The following TRAM2 variants were observed in gnomAD, a reference collection of about 807,000 sequenced individuals.
TRAM2 encodes the protein translocating chain-associated membrane protein 2.
A neutral mutation model predicts 51.0 loss-of-function variants in TRAM2; 12 were observed. That is an observed-to-expected ratio of 0.24 (90% CI 0.15 to 0.38). TRAM2 has a LOEUF of 0.38. Among genes scored for constraint, TRAM2 ranks in the 10% least tolerant of loss-of-function variants. The pLI, the probability that TRAM2 is intolerant of heterozygous loss-of-function variation, is 1.00. For synonymous variants in TRAM2, 175 were observed against 179.4 expected (o/e 0.98, Z 0.20); for missense variants, 361 against 462.0 (o/e 0.78, Z 2.00).
chr6:52,498,698 A>C lies in TRAM2; in HGVS notation c.*4499T>G, dbSNP rs765454326. On this transcript the variant is annotated 3_prime_UTR_variant, in exon 11 of 11. Transcript: ENST00000182527. Reference sequence around the variant, plus strand: ...AAGGGAGAAACCAAAAACAAAACAGAACACACCACAGACCCTAATCCTGGG... The same window carrying C: ...AAGGGAGAAACCAAAAACAAAACAGCACACACCACAGACCCTAATCCTGGG... The C allele has an allele frequency of 2.6e-5, 4 of 152,596 alleles. No individual in the cohort carries two copies. The highest frequency in any genetic ancestry group is 5.9e-5 in the Non-Finnish European group (4 of 68,222). 9.5% of individuals were successfully genotyped at this position (152,596 alleles called of 1,614,324 possible).
At chr6:52,571,939 A>C (rs1163075062) in intron 1 of TRAM2, among the ~76,000 whole-genome samples, 1 of 152,214 alleles carries the variant, frequency 6.6e-6, no homozygotes, top group Non-Finnish European at 1.5e-5. Flanking sequence ...ATTAGCCTTC[A>C]CTGGGTAGTT....
intron 1 of TRAM2, among the ~76,000 whole-genome samples, chr6:52,541,062 C>T (rs1457923232): frequency 6.6e-6 from 1 of 152,202 alleles, no homozygotes; most frequent in Non-Finnish European, 1.5e-5. Flanking sequence ...ATTAGGGGCA[C>T]ATGAACCTGA....
intron 1 of TRAM2, among the ~76,000 whole-genome samples, chr6:52,570,852 G>A (rs1581705152): frequency 7.1e-6 from 1 of 141,198 alleles, no homozygotes; most frequent in Admixed American, 7.7e-5. Flanking sequence ...GAAAAGCAAG[G>A]ACTTTTTGCA....
At chr6:52,516,273 C>T (rs1006190284) in intron 3 of TRAM2, 151 bp from the exon 4 acceptor site, 20 of 704,754 alleles carry the variant, frequency 2.8e-5, no homozygotes, top group East Asian at 7.6e-5. Context: ...AAGCCTACTG[C>T]GTGCATACAG....
intron 1 of TRAM2, among the ~76,000 whole-genome samples, chr6:52,564,524 C>T (rs1581702401): frequency 6.6e-6 from 1 of 152,120 alleles, no homozygotes; most frequent in Non-Finnish European, 1.5e-5. Flanking sequence ...ATCTGCCTGC[C>T]CCATGCCCCT....
intron 1 of TRAM2, among the ~76,000 whole-genome samples, chr6:52,569,004 T>C (rs1767633263): frequency 6.6e-6 from 1 of 152,186 alleles, no homozygotes; most frequent in Admixed American, 6.5e-5. Flanking sequence ...TTGGGTTTGA[T>C]GTTTAAAGTC....
chr6:52,520,183 G>C (rs766937057), intron 2 of TRAM2, among the ~76,000 whole-genome samples: 2 of 152,248 alleles, frequency 1.3e-5, no homozygotes, highest in African/African-American at 2.4e-5. Flanking sequence ...ACAGCCAGCT[G>C]TGTCAATGCT....
At chr6:52,561,313 C>T (rs974655195) in intron 1 of TRAM2, among the ~76,000 whole-genome samples, 3 of 152,160 alleles carry the variant, frequency 2.0e-5, no homozygotes, top group East Asian at 1.9e-4. Flanking sequence ...GACGGAGCCT[C>T]GCTCTGTCAC....
intron 1 of TRAM2, among the ~76,000 whole-genome samples, chr6:52,548,674 G>A (rs111753891): frequency 0.01 from 1,587 of 152,322 alleles, 18 homozygotes; most frequent in Non-Finnish European, 0.018. Flanking sequence ...CCATCTGACC[G>A]TGACATCTGG....
chr6:52,547,478 A>G (rs969807163), intron 1 of TRAM2, among the ~76,000 whole-genome samples: 1 of 152,238 alleles, frequency 6.6e-6, no homozygotes, highest in African/African-American at 2.4e-5. Flanking sequence ...TAAACACCCC[A>G]TGAATTAATG....
Position 52,501,190 on chromosome 6 carries a change from G to A in TRAM2, c.*2007C>T, listed in dbSNP as rs6900141. The A allele has an allele frequency of 0.88, 133,402 of 152,196 alleles. 58,490 individuals are homozygous for A. The highest frequency in any genetic ancestry group is 0.96 in the East Asian group (4,967 of 5,164). The allele number at this position is 152,196 out of a possible 1,614,324, so 9.4% of individuals were successfully genotyped here. A position where few individuals can be genotyped will look rare whatever the true frequency, so the allele number is the denominator to read the frequency against. On this transcript the variant is annotated 3_prime_UTR_variant, in exon 11 of 11. Transcript: ENST00000182527. ...TCAGGGAAGGAGAGGGAGAAATGGG[G>A]GAAATACATATTTTCAAAAACACTG...
At chr6:52,508,376 C>T (rs1159882602) in intron 5 of TRAM2, 58 bp from the exon 6 acceptor site, 21 of 1,526,574 alleles carry the variant, frequency 1.4e-5, no homozygotes, top group Non-Finnish European at 7.2e-6. Flanking sequence ...CCTGCAGGTG[C>T]TGGCCAAGCA....
At chr6:52,564,415 C>G (rs1463379409) in intron 1 of TRAM2, among the ~76,000 whole-genome samples, 3 of 152,136 alleles carry the variant, frequency 2.0e-5, no homozygotes, top group African/African-American at 7.2e-5. Flanking sequence ...CAACCCTTAA[C>G]CAGCCCCTAC....
At chr6:52,569,439 T>C (rs1268135455) in intron 1 of TRAM2, among the ~76,000 whole-genome samples, 3 of 149,414 alleles carry the variant, frequency 2.0e-5, no homozygotes, top group Non-Finnish European at 3.0e-5. Flanking sequence ...AACCACCAAA[T>C]CTATGGCATT....
intron 1 of TRAM2, among the ~76,000 whole-genome samples, chr6:52,545,986 A>G (rs115042783): frequency 1.8e-3 from 269 of 152,284 alleles, no homozygotes; most frequent in African/African-American, 6.2e-3. Context: ...GTATGCAAAA[A>G]AGTCATTTAC....
intron 5 of TRAM2, 59 bp from the exon 6 acceptor site, chr6:52,508,377 T>C: frequency 6.5e-7 from 1 of 1,528,630 alleles, no homozygotes; most frequent in Non-Finnish European, 9.0e-7. Flanking sequence ...CTGCAGGTGC[T>C]GGCCAAGCAC....
At chr6:52,516,592 C>T (rs777265744) in intron 3 of TRAM2, 36 bp downstream of exon 3, 1 of 1,578,514 alleles carries the variant, frequency 6.3e-7, no homozygotes, top group South Asian at 1.1e-5. Flanking sequence ...GGCACCTCCC[C>T]AGCTTCTGAT....
At chr6:52,505,764 G>A (rs200022811) in intron 8 of TRAM2, 22 bp from the exon 9 acceptor site, 12 of 1,587,436 alleles carry the variant, frequency 7.6e-6, no homozygotes, top group Non-Finnish European at 1.0e-5. Context: ...GGCAGAAGAG[G>A]GATGTCAGTC....
intron 1 of TRAM2, among the ~76,000 whole-genome samples, chr6:52,574,649 G>A (rs1188901857): frequency 6.6e-6 from 1 of 152,204 alleles, no homozygotes. Flanking sequence ...CCCAATACAA[G>A]CCTAAGGGGG....
Sources: allele counts gnomAD v4.1 joint callset (sites outside exome capture counted in the v4.1 genomes callset), GRCh38; gene constraint gnomAD v4.1.1; transcripts MANE v1.5; gene names NCBI Gene and HGNC (gene_info 2026-07-23, HGNC 2026-07-21).